Variants in ELMO1 observed in about 807,000 individuals in gnomAD.
The protein encoded by ELMO1 is engulfment and cell motility 1, also known as engulfment and cell motility protein 1.
Under a neutral mutation model 98.9 loss-of-function variants are expected in ELMO1, and 26 were observed. The ratio of observed to expected loss-of-function variants is 0.26; its 90% CI spans 0.19 to 0.36. ELMO1 has a LOEUF of 0.36. Among genes scored for constraint, ELMO1 ranks in the 10% least tolerant of loss-of-function variants. ELMO1 has a pLI of 1.00. For synonymous variants in ELMO1, 346 were observed against 346.0 expected, an observed-to-expected ratio of 1.00 and a Z score of 0.00; for missense variants, 627 against 935.2, an observed-to-expected ratio of 0.67 and a Z score of 4.30.
intron 16 of ELMO1, among the ~76,000 whole-genome samples, chr7:36,947,547 A>G (rs1787601813): frequency 6.6e-6 from 1 of 152,156 alleles, no homozygotes; most frequent in African/African-American, 2.4e-5. Flanking sequence ...TCCTGCTTGG[A>G]TCAGGCGTTG....
chr7:37,047,694 CTG>C (rs1234420674), intron 15 of ELMO1, among the ~76,000 whole-genome samples: 2 of 152,120 alleles, frequency 1.3e-5, no homozygotes, highest in African/African-American at 4.8e-5. Context: ...GCTAAACAGA[CTG>C]TGTATGCATT....
intron 16 of ELMO1, among the ~76,000 whole-genome samples, chr7:37,004,718 A>G (rs146291777): frequency 6.0e-4 from 91 of 152,382 alleles, no homozygotes; most frequent in African/African-American, 2.0e-3. Flanking sequence ...TGCTCCTGTT[A>G]TAGAAAATGT....
At chr7:36,932,436 T>G (rs535844883) in intron 16 of ELMO1, among the ~76,000 whole-genome samples, 1 of 152,210 alleles carries the variant, frequency 6.6e-6, no homozygotes, top group Non-Finnish European at 1.5e-5. Context: ...AATCTTGAAA[T>G]GCATGGATGA....
Position 37,133,197 on chromosome 7 carries a change from G to A in ELMO1, c.1124C>T (p.Pro375Leu). The change falls in exon 14 of 22, where the codon CCA becomes CTA. Residue 375 changes from proline to leucine, a missense_variant. This residue lies in a region of ELMO1 where 492 missense variants were observed against 715.6 expected (regional missense o/e 0.69). Transcript: ENST00000310758. ...VNPAMDFTQT[P>L]PGMLALDNML... ...GTTGTCCAGAGCCAACATCCCAGGT[G>A]GAGTCTGCGTGAAGTCCATGGCAGG... 1 of 1,612,666 alleles carries A rather than the reference G, an allele frequency of 6.2e-7. No individual in the cohort carries two copies. The highest frequency in any genetic ancestry group is 2.2e-5 in the East Asian group (1 of 44,760).
chr7:37,005,236 T>G (rs1280547291), intron 16 of ELMO1, among the ~76,000 whole-genome samples: 1 of 151,900 alleles, frequency 6.6e-6, no homozygotes, highest in Admixed American at 6.5e-5. Context: ...CTGCCAGGGC[T>G]GTAAATTCAG....
chr7:37,434,625 A>T (rs1805070127), intron 1 of ELMO1, among the ~76,000 whole-genome samples: 1 of 152,152 alleles, frequency 6.6e-6, no homozygotes, highest in Non-Finnish European at 1.5e-5. Context: ...CCTTGGGTAA[A>T]ACTCTTCAGT....
At chr7:36,949,056 A>T (rs777102871) in intron 16 of ELMO1, among the ~76,000 whole-genome samples, 4 of 152,050 alleles carry the variant, frequency 2.6e-5, no homozygotes, top group Non-Finnish European at 5.9e-5. Context: ...GGGTTTCACC[A>T]TGTTGGTCAG....
intron 4 of ELMO1, among the ~76,000 whole-genome samples, chr7:37,301,807 T>G (rs1798365075): frequency 6.6e-6 from 1 of 152,186 alleles, no homozygotes; most frequent in South Asian, 2.1e-4. Flanking sequence ...TTTACACGAT[T>G]ATTGTTCCCC....
At chr7:37,165,351 T>A (rs1163598060) in intron 13 of ELMO1, among the ~76,000 whole-genome samples, 1 of 151,594 alleles carries the variant, frequency 6.6e-6, no homozygotes, top group Non-Finnish European at 1.5e-5. Context: ...CTGATTGCCC[T>A]GGCCAGAACT....
chr7:37,278,408 C>G (rs1489904182), intron 4 of ELMO1, among the ~76,000 whole-genome samples: 1 of 152,074 alleles, frequency 6.6e-6, no homozygotes, highest in Non-Finnish European at 1.5e-5. Context: ...ACTTGGGAGG[C>G]TGAGGTGGGA....
chr7:37,370,790 C>T (rs907394493), intron 1 of ELMO1, among the ~76,000 whole-genome samples: 14 of 152,242 alleles, frequency 9.2e-5, no homozygotes, highest in Middle Eastern at 3.4e-3. Flanking sequence ...TGTGGAGCAA[C>T]AGGAACTTTC....
intron 14 of ELMO1, among the ~76,000 whole-genome samples, chr7:37,103,959 C>T (rs1183027181): frequency 4.9e-5 from 6 of 122,632 alleles, no homozygotes; most frequent in African/African-American, 9.3e-5. Context: ...TGCAGTGAAC[C>T]GAGATTGCGC....
intron 16 of ELMO1, among the ~76,000 whole-genome samples, chr7:36,927,313 T>C (rs1332941176): frequency 6.6e-6 from 1 of 152,184 alleles, no homozygotes; most frequent in African/African-American, 2.4e-5. Flanking sequence ...AAAAGATATA[T>C]AGTACTGGAG....
chr7:37,172,739 TTA>T (rs931137456), intron 13 of ELMO1, among the ~76,000 whole-genome samples: 2 of 152,172 alleles, frequency 1.3e-5, no homozygotes, highest in Admixed American at 6.5e-5. Context: ...AGTAGTACAT[TTA>T]TATGTTACGC....
chr7:37,234,150 A>G (rs1169691346), intron 7 of ELMO1, among the ~76,000 whole-genome samples: 2 of 152,206 alleles, frequency 1.3e-5, no homozygotes. Context: ...AGTACATTGA[A>G]TTATGCCAGT....
intron 1 of ELMO1, among the ~76,000 whole-genome samples, chr7:37,391,343 C>T (rs532531001): frequency 2.0e-5 from 3 of 152,268 alleles, no homozygotes; most frequent in Admixed American, 6.5e-5. Context: ...TCTCGAACTC[C>T]TGACCTCAAG....
intron 4 of ELMO1, among the ~76,000 whole-genome samples, chr7:37,299,245 T>C (rs1798228303): frequency 5.0e-4 from 1 of 2,006 alleles, no homozygotes; most frequent in Non-Finnish European, 3.8e-3. Context: ...TTTCTCCCAT[T>C]TTTGTAGGTT....
intron 13 of ELMO1, among the ~76,000 whole-genome samples, chr7:37,144,035 T>G (rs1787823500): frequency 6.6e-6 from 1 of 152,048 alleles, no homozygotes; most frequent in Non-Finnish European, 1.5e-5. Context: ...AAGTTATAAT[T>G]TCTCCACCCC....
chr7:37,355,727 T>C (rs1466726180), intron 1 of ELMO1, among the ~76,000 whole-genome samples: 1 of 152,236 alleles, frequency 6.6e-6, no homozygotes, highest in Non-Finnish European at 1.5e-5. Context: ...ACAGGTCTAG[T>C]CCTCCAGGAA....
Sources: allele counts gnomAD v4.1 joint callset (sites outside exome capture counted in the v4.1 genomes callset), GRCh38; gene constraint gnomAD v4.1.1; regional missense constraint gnomAD v4.1.1; transcripts MANE v1.5; gene names NCBI Gene and HGNC (gene_info 2026-07-23, HGNC 2026-07-21).